ITGBL1: variants seen among roughly 807,000 people sequenced by gnomAD.
The protein encoded by ITGBL1 is integrin subunit beta like 1, also known as integrin beta-like protein 1.
Under a neutral mutation model 68.5 loss-of-function variants are expected in ITGBL1, and 51 were observed. The ratio of observed to expected loss-of-function variants is 0.74; its 90% CI spans 0.59 to 0.94. ITGBL1 has a LOEUF of 0.94. Ranked by LOEUF, ITGBL1 falls within the 40% of genes least tolerant of loss-of-function variation. The pLI is 0.00. For missense variants in ITGBL1, 649 were observed against 647.4 expected, an observed-to-expected ratio of 1.00 and a Z score of -0.03; for synonymous variants, 209 against 227.3, an observed-to-expected ratio of 0.92 and a Z score of 0.72.
intron 7 of ITGBL1, among the ~76,000 whole-genome samples, chr13:101,665,263 C>G (rs954053434): frequency 7.9e-5 from 12 of 152,112 alleles, no homozygotes; most frequent in Non-Finnish European, 1.8e-4. Flanking sequence ...CATTGATGTT[C>G]TAATCTATAG....
intron 7 of ITGBL1, among the ~76,000 whole-genome samples, chr13:101,674,227 CT>C (rs2033446226): frequency 6.6e-6 from 1 of 152,202 alleles, no homozygotes; most frequent in African/African-American, 2.4e-5. Context: ...AGGATATCTG[CT>C]TGTCTAACCT....
chr13:101,544,537 GTTGT>G (rs2049781003), intron 2 of ITGBL1, among the ~76,000 whole-genome samples: 2 of 152,214 alleles, frequency 1.3e-5, no homozygotes, highest in Non-Finnish European at 2.9e-5. Flanking sequence ...TCTGTTCTCA[GTTGT>G]CCAGCTGCAT....
intron 8 of ITGBL1, among the ~76,000 whole-genome samples, chr13:101,694,319 TATGTATATATACGTATTC>T (rs2033952910): frequency 6.6e-6 from 1 of 152,246 alleles, no homozygotes; most frequent in Non-Finnish European, 1.5e-5. Context: ...AATATGTATG[TATGTATATATACGTATTC>T]ATGTATAAAA....
chr13:101,647,590 C>A (rs750346464), intron 7 of ITGBL1, among the ~76,000 whole-genome samples: 7 of 152,310 alleles, frequency 4.6e-5, no homozygotes, highest in Middle Eastern at 3.4e-3. Context: ...GTGTGCAATT[C>A]TTCCCTCTCA....
intron 2 of ITGBL1, among the ~76,000 whole-genome samples, chr13:101,510,839 GTTAT>G (rs1318447493): frequency 2.6e-5 from 4 of 151,988 alleles, no homozygotes; most frequent in African/African-American, 7.2e-5. Flanking sequence ...TTTTAATGGG[GTTAT>G]TTGTTTTATG....
At chr13:101,684,827 T>G (rs1403027051) in intron 7 of ITGBL1, among the ~76,000 whole-genome samples, 2 of 151,956 alleles carry the variant, frequency 1.3e-5, no homozygotes, top group African/African-American at 4.8e-5. Context: ...CAATTATTAT[T>G]ATTAAGTGCA....
chr13:101,555,174 T>A (rs181449470), intron 2 of ITGBL1, among the ~76,000 whole-genome samples: 1 of 152,338 alleles, frequency 6.6e-6, no homozygotes, highest in African/African-American at 2.4e-5. Flanking sequence ...AGAATTTTTC[T>A]TATAGCTTTG....
At chr13:101,597,030 T>C (rs1290687202) in intron 6 of ITGBL1, among the ~76,000 whole-genome samples, 3 of 152,164 alleles carry the variant, frequency 2.0e-5, no homozygotes, top group Admixed American at 6.5e-5. Flanking sequence ...ACTCATACAA[T>C]GTACACTAAG....
chr13:101,565,868 T>C lies in ITGBL1; in HGVS notation c.317-1831T>C, dbSNP rs539222333. On this transcript the variant is annotated intron_variant, in intron 2 of 10. Coordinates refer to ENST00000376180, the MANE Select transcript of ITGBL1 (RefSeq NM_004791.3). ...AATATTGCTTCTATTGATGCGTCAT[T>C]GGGTCAATTTGGAAGGGATGGATCT... Among the ~76,000 whole-genome samples the C allele has an allele frequency of 7.9e-5, 12 of 152,178 alleles. No individual in the cohort carries two copies. The South Asian group carries it at 2.5e-3, about 32-fold the overall frequency.
At chr13:101,529,500 G>C (rs1001586032) in intron 2 of ITGBL1, among the ~76,000 whole-genome samples, 6 of 152,152 alleles carry the variant, frequency 3.9e-5, no homozygotes, top group Non-Finnish European at 5.9e-5. Flanking sequence ...AGTGACACTG[G>C]AAAAAGAAAA....
intron 2 of ITGBL1, among the ~76,000 whole-genome samples, chr13:101,480,891 A>G (rs984198146): frequency 2.6e-5 from 4 of 151,924 alleles, no homozygotes; most frequent in African/African-American, 9.7e-5. Flanking sequence ...GTAGGATATC[A>G]TGGACATTTT....
At chr13:101,545,414 A>C (rs2049802250) in intron 2 of ITGBL1, among the ~76,000 whole-genome samples, 1 of 152,240 alleles carries the variant, frequency 6.6e-6, no homozygotes, top group Non-Finnish European at 1.5e-5. Flanking sequence ...ATGAGTAGAG[A>C]GAAAATAATA....
intron 2 of ITGBL1, among the ~76,000 whole-genome samples, chr13:101,558,971 C>T (rs142946952): frequency 0.012 from 1,753 of 152,028 alleles, 37 homozygotes; most frequent in African/African-American, 0.04. Context: ...ATATGTTTGA[C>T]TTTATAAAAT....
intron 7 of ITGBL1, among the ~76,000 whole-genome samples, chr13:101,638,068 T>C (rs1179575047): frequency 1.3e-5 from 2 of 152,218 alleles, no homozygotes; most frequent in African/African-American, 4.8e-5. Context: ...CTATAAAATA[T>C]ATCAAGTAAG....
chr13:101,515,020 A>G (rs892488190), intron 2 of ITGBL1, among the ~76,000 whole-genome samples: 5 of 152,124 alleles, frequency 3.3e-5, no homozygotes, highest in Non-Finnish European at 7.4e-5. Flanking sequence ...AGTTCTCTCT[A>G]GAGTGAAAGT....
At chr13:101,503,843 A>G (rs549782061) in intron 2 of ITGBL1, among the ~76,000 whole-genome samples, 1 of 152,298 alleles carries the variant, frequency 6.6e-6, no homozygotes, top group Admixed American at 6.5e-5. Context: ...ATGTTTTGGG[A>G]CATCAGAGCA....
At chr13:101,649,933 T>G (rs567223133) in intron 7 of ITGBL1, among the ~76,000 whole-genome samples, 1 of 152,312 alleles carries the variant, frequency 6.6e-6, no homozygotes, top group African/African-American at 2.4e-5. Context: ...GTGATCTAGT[T>G]ACATTTCCCA....
At chr13:101,651,079 G>C (rs2032735768) in intron 7 of ITGBL1, among the ~76,000 whole-genome samples, 2 of 152,258 alleles carry the variant, frequency 1.3e-5, no homozygotes, top group South Asian at 4.1e-4. Context: ...GCACGTCTTT[G>C]CTATTGTGAA....
chr13:101,713,792 A>C (rs551573961), intron 9 of ITGBL1: 1 of 152,240 alleles, frequency 6.6e-6, no homozygotes, highest in African/African-American at 2.4e-5. Context: ...GGAGGGAAAA[A>C]GAGTTGAATC....
Sources: allele counts gnomAD v4.1 joint callset (sites outside exome capture counted in the v4.1 genomes callset), GRCh38; gene constraint gnomAD v4.1.1; transcripts MANE v1.5; gene names NCBI Gene and HGNC (gene_info 2026-07-23, HGNC 2026-07-21).